The following RNF149 variants were observed in gnomAD, a reference collection of about 807,000 sequenced individuals.
RNF149 encodes ring finger protein 149.
RNF149 carries 21 observed loss-of-function variants against 39.0 expected under a neutral mutation model. The ratio of observed to expected loss-of-function variants is 0.54; its 90% CI spans 0.38 to 0.77. The LOEUF (loss-of-function observed/expected upper bound fraction) is 0.77. Among genes scored for constraint, RNF149 ranks in the 30% least tolerant of loss-of-function variants. RNF149 has a pLI of 0.00. For synonymous variants in RNF149, 209 were observed against 213.6 expected, an observed-to-expected ratio of 0.98 and a Z score of 0.19; for missense variants, 493 against 534.9, an observed-to-expected ratio of 0.92 and a Z score of 0.77.
intron 1 of RNF149, among the ~76,000 whole-genome samples, chr2:101,300,987 C>G (rs1213383165): frequency 1.3e-5 from 2 of 152,204 alleles, no homozygotes; most frequent in African/African-American, 2.4e-5. Flanking sequence ...GTGCACCACC[C>G]TTCCTTAATT....
In RNF149 at chr2:101,284,634, T is replaced by A. The variant is rs551714213; in HGVS notation, c.960+1447A>T. ...AGAATGACAGTAGTTGTTAAGGAAG[T>A]GGTCTCTTAAGCTAGAAGATGAGGG... On this transcript the variant is annotated intron_variant, in intron 5 of 6. Transcript: ENST00000295317. Among the ~76,000 whole-genome samples, 129 of 152,088 alleles carry A rather than the reference T, an allele frequency of 8.5e-4. 1 individual carries two copies. The highest frequency in any genetic ancestry group is 6.8e-3 in the Middle Eastern group (2 of 294).
intron 5 of RNF149, among the ~76,000 whole-genome samples, chr2:101,284,667 T>C (rs1304490224): frequency 6.6e-6 from 1 of 152,182 alleles, no homozygotes; most frequent in Non-Finnish European, 1.5e-5. Context: ...GGGGGCATTT[T>C]AAGTAGACTG....
chr2:101,289,379 T>C (rs1363450019), intron 3 of RNF149, among the ~76,000 whole-genome samples: 1 of 152,150 alleles, frequency 6.6e-6, no homozygotes, highest in African/African-American at 2.4e-5. Flanking sequence ...AACATTTTAT[T>C]TATTATTGTT....
downstream of RNF149, chr2:101,272,772 A>C (rs1682176007): frequency 2.7e-6 from 1 of 376,208 alleles, no homozygotes; most frequent in Non-Finnish European, 5.1e-6. Flanking sequence ...GACTATTGCC[A>C]AACTAAGTGA....
At chr2:101,278,063 A>G (rs1682418283) in intron 6 of RNF149, among the ~76,000 whole-genome samples, 1 of 152,238 alleles carries the variant, frequency 6.6e-6, no homozygotes, top group African/African-American at 2.4e-5. Flanking sequence ...AAATCACTTC[A>G]CACAAAAGGC....
chr2:101,296,665 G>A (rs541994707), intron 1 of RNF149, among the ~76,000 whole-genome samples: 89 of 152,186 alleles, frequency 5.8e-4, no homozygotes, highest in African/African-American at 2.0e-3. Context: ...GCGGCGGGTC[G>A]GGGGAAGCTG....
At chr2:101,297,298 T>A (rs758373922) in intron 1 of RNF149, among the ~76,000 whole-genome samples, 1 of 152,112 alleles carries the variant, frequency 6.6e-6, no homozygotes, top group African/African-American at 2.4e-5. Flanking sequence ...ATAAGAGTAA[T>A]AGAAAAACAA....
chr2:101,294,962 A>C lies in RNF149; in HGVS notation c.680T>G (p.Phe227Cys). ...AWLIFYYIQR[F>C]LYTGSQIGSQ... ...TCCAATCTGAGAGCCAGTATATAGG[A>C]AACGCTGTATATAGTAAAATATTAG... The change falls in exon 2 of 7, where the codon TTC becomes TGC. Residue 227 changes from phenylalanine to cysteine, a missense_variant. Physicochemically the swap from Phe to Cys is radical, Grantham distance 205. Transcript: ENST00000295317. 6.2e-7 allele frequency: 1 copy of C among 1,613,898 alleles called. No individual in the cohort carries two copies. The highest frequency in any genetic ancestry group is 8.5e-7 in the Non-Finnish European group (1 of 1,179,754).
chr2:101,289,170 G>A (rs1045981502), intron 3 of RNF149, 115 bp from the exon 4 acceptor site: 9 of 616,278 alleles, frequency 1.5e-5, no homozygotes, highest in South Asian at 2.1e-5. Flanking sequence ...TGGTACAACC[G>A]GTGAAATTAA....
At chr2:101,304,186 G>T (rs761639833) in intron 1 of RNF149, among the ~76,000 whole-genome samples, 1 of 152,094 alleles carries the variant, frequency 6.6e-6, no homozygotes, top group Non-Finnish European at 1.5e-5. Context: ...CACTTGAGCT[G>T]AGGAGTTCGA....
At chr2:101,273,040 A>C, downstream of RNF149, 1 of 1,354,390 alleles carries the variant, frequency 7.4e-7, no homozygotes, top group South Asian at 1.1e-5. Flanking sequence ...TCTTGTCATC[A>C]TTCCTCAGTA....
chr2:101,280,001 A>C (rs888179810), intron 6 of RNF149, among the ~76,000 whole-genome samples: 1 of 152,136 alleles, frequency 6.6e-6, no homozygotes, highest in African/African-American at 2.4e-5. Flanking sequence ...TCTTTAAAAA[A>C]TGTAGAATAG....
chr2:101,305,214 C>T (rs1683609789), intron 1 of RNF149, among the ~76,000 whole-genome samples: 1 of 152,116 alleles, frequency 6.6e-6, no homozygotes, highest in African/African-American at 2.4e-5. Flanking sequence ...CAGTGAGAAC[C>T]ACTGAATCAG....
In RNF149 at chr2:101,308,654, A is replaced by T; in HGVS notation, c.-66T>A. 7.3e-7 allele frequency: 1 copy of T among 1,369,004 alleles called. No individual in the cohort carries two copies. The highest frequency in any genetic ancestry group is 9.5e-7 in the Non-Finnish European group (1 of 1,048,238). The allele number at this position is 1,369,004 out of a possible 1,614,324, so 84.8% of individuals were successfully genotyped here. A position where few individuals can be genotyped will look rare whatever the true frequency, so the allele number is the denominator to read the frequency against. On this transcript the variant is annotated 5_prime_UTR_variant, in exon 1 of 7. Coordinates refer to ENST00000295317, the MANE Select transcript of RNF149 (RefSeq NM_173647.4). ...CGCGAGTGCGGTGCAGTCGAAGAGCAGAGAGAAGCGGACACCCACCGCCGC... is the reference window on the plus strand; with the variant it reads ...CGCGAGTGCGGTGCAGTCGAAGAGCTGAGAGAAGCGGACACCCACCGCCGC...
At chr2:101,303,484 T>C (rs556382586) in intron 1 of RNF149, among the ~76,000 whole-genome samples, 11 of 152,164 alleles carry the variant, frequency 7.2e-5, no homozygotes, top group Non-Finnish European at 1.0e-4. Context: ...GAGTGTAGCA[T>C]TACAGAGCAT....
chr2:101,308,632 G>C lies in RNF149; in HGVS notation c.-44C>G. On this transcript the variant is annotated 5_prime_UTR_variant, in exon 1 of 7. Coordinates refer to ENST00000295317, the MANE Select transcript of RNF149 (RefSeq NM_173647.4). ...ACTAGGGGGAGTCAGGGTCACGCGCGAGTGCGGTGCAGTCGAAGAGCAGAG... is the reference window on the plus strand; with the variant it reads ...ACTAGGGGGAGTCAGGGTCACGCGCCAGTGCGGTGCAGTCGAAGAGCAGAG... 9 of 1,452,028 alleles carry C rather than the reference G, an allele frequency of 6.2e-6. No individual in the cohort carries two copies. Among genetic ancestry groups the C allele is most frequent in the Non-Finnish European group, 8.1e-6 (9 of 1,105,308 alleles). 89.9% of individuals were successfully genotyped at this position (1,452,028 alleles called of 1,614,324 possible).
At chr2:101,298,259 TAAAAG>T (rs1282875902) in intron 1 of RNF149, among the ~76,000 whole-genome samples, 2 of 151,886 alleles carry the variant, frequency 1.3e-5, no homozygotes, top group Non-Finnish European at 2.9e-5. Flanking sequence ...TATCTCTACT[TAAAAG>T]AAATACAAAA....
At chr2:101,275,111 GTTTTTTTTTTTT>G (rs1165388203), downstream of RNF149, among the ~76,000 whole-genome samples, 5 of 51,056 alleles carry the variant, frequency 9.8e-5, no homozygotes, top group Non-Finnish European at 1.6e-4. Context: ...TAGTATTTCT[GTTTTTTTTTTTT>G]TTTTTTTTTT....
chr2:101,292,489 G>C (rs12620272), intron 3 of RNF149, among the ~76,000 whole-genome samples: 38 of 152,100 alleles, frequency 2.5e-4, no homozygotes, highest in African/African-American at 9.2e-4. Flanking sequence ...ATTTCCGGCC[G>C]GGCGTGGTGG....
Sources: gnomAD v4.1 joint callset for allele counts (sites outside exome capture counted in the v4.1 genomes callset) on GRCh38, gnomAD v4.1.1 for gene constraint, MANE v1.5 for transcripts, NCBI Gene and HGNC (gene_info 2026-07-23, HGNC 2026-07-21) for gene names.